The following TRUB1 variants were observed in gnomAD, a reference collection of about 807,000 sequenced individuals.
TRUB1 encodes the protein TruB pseudouridine synthase family member 1.
In TRUB1, 23 loss-of-function variants were observed where a neutral mutation model predicts 33.9. That is an observed-to-expected ratio of 0.68 (90% confidence interval 0.49 to 0.96). The LOEUF is 0.96. Among genes scored for constraint, TRUB1 ranks in the 40% least tolerant of loss-of-function variants. TRUB1 has a pLI of 0.00. For synonymous variants in TRUB1, 163 were observed against 165.4 expected (o/e 0.99, Z 0.11); for missense variants, 378 against 422.2 (o/e 0.90, Z 0.92).
Position 114,938,398 on chromosome 10 carries a change from A to C in TRUB1, c.145A>C (p.Arg49=). 6.2e-7 allele frequency: 1 copy of C among 1,606,098 alleles called. No individual in the cohort carries two copies. The highest frequency in any genetic ancestry group is 8.5e-7 in the Non-Finnish European group (1 of 1,176,088). The change falls in exon 1 of 8, where the codon AGG becomes CGG. Residue 49 remains arginine (R), a synonymous_variant. Coordinates refer to ENST00000298746, the MANE Select transcript of TRUB1 (RefSeq NM_139169.5). ...AAAAVVAAAA[R]TGSEARVSKA... is the part of the protein sequence containing the mutation. Reference sequence around the variant, plus strand: ...AGCCGCGGTGGTTGCGGCCGCGGCCAGGACCGGATCCGAAGCCAGGGTCTC... The same window carrying C: ...AGCCGCGGTGGTTGCGGCCGCGGCCCGGACCGGATCCGAAGCCAGGGTCTC...
chr10:114,948,709 G>A (rs2084221666), intron 2 of TRUB1, among the ~76,000 whole-genome samples: 1 of 152,178 alleles, frequency 6.6e-6, no homozygotes, highest in Non-Finnish European at 1.5e-5. Flanking sequence ...ATTAAGCTGG[G>A]TAACTCTAAG....
chr10:114,952,371 G>A (rs1383855306), intron 3 of TRUB1, among the ~76,000 whole-genome samples: 2 of 152,200 alleles, frequency 1.3e-5, no homozygotes, highest in African/African-American at 2.4e-5. Context: ...AACCCAGGAG[G>A]CGGAGGTTGC....
At chr10:114,949,896 G>GT (rs35333718) in intron 2 of TRUB1, among the ~76,000 whole-genome samples, 52,115 of 125,062 alleles carry the variant, frequency 0.42, 11,906 homozygotes, top group African/African-American at 0.48. Flanking sequence ...ATCTTTTAAA[G>GT]TTTTTTTTTT....
Position 114,938,199 on chromosome 10 carries a change from T to C in TRUB1, c.-55T>C. 6 of 1,593,838 alleles carry C rather than the reference T, an allele frequency of 3.8e-6. No individual in the cohort carries two copies. The highest frequency in any genetic ancestry group is 1.1e-5 in the South Asian group (1 of 88,052). On this transcript the variant is annotated 5_prime_UTR_variant, in exon 1 of 8. Coordinates refer to ENST00000298746, the MANE Select transcript of TRUB1 (RefSeq NM_139169.5). ...GAAGAGGGTCCTGTCAGGCGCACTC[T>C]TGTTGCATCATCAGCGTGCACCTCC...
chr10:114,967,059 G>A (rs1191970429), intron 4 of TRUB1, among the ~76,000 whole-genome samples: 1 of 152,222 alleles, frequency 6.6e-6, no homozygotes, highest in Non-Finnish European at 1.5e-5. Context: ...GACCCTGTAT[G>A]TATGTATGTA....
At chr10:114,964,976 C>G (rs1384570108) in intron 4 of TRUB1, among the ~76,000 whole-genome samples, 2 of 142,898 alleles carry the variant, frequency 1.4e-5, no homozygotes, top group Non-Finnish European at 3.0e-5. Context: ...TGTCGCCAGG[C>G]TGGAGTGCAG....
At chr10:114,939,857 G>C (rs964878210) in intron 1 of TRUB1, among the ~76,000 whole-genome samples, 1 of 138,736 alleles carries the variant, frequency 7.2e-6, no homozygotes, top group Non-Finnish European at 1.5e-5. Context: ...TTAAGGTAAT[G>C]ATTACCATTC....
chr10:114,947,787 T>TC (rs1307684471), intron 2 of TRUB1, among the ~76,000 whole-genome samples: 3 of 152,228 alleles, frequency 2.0e-5, no homozygotes, highest in African/African-American at 4.8e-5. Context: ...ACTGAGGTTA[T>TC]CACCAGAGTT....
At chr10:114,950,695 C>T (rs995448785) in intron 2 of TRUB1, among the ~76,000 whole-genome samples, 2 of 152,118 alleles carry the variant, frequency 1.3e-5, no homozygotes, top group African/African-American at 4.8e-5. Context: ...ATGGCTTTTG[C>T]TTTGTTTAAT....
chr10:114,946,851 C>T (rs2084213673), intron 2 of TRUB1, among the ~76,000 whole-genome samples: 6 of 151,950 alleles, frequency 3.9e-5, no homozygotes, highest in South Asian at 2.1e-4. Context: ...CTCAAAAATA[C>T]GTGGTAGGCA....
At chr10:114,963,967 G>T (rs551300993) in intron 4 of TRUB1, among the ~76,000 whole-genome samples, 1 of 54,844 alleles carries the variant, frequency 1.8e-5, no homozygotes, top group African/African-American at 1.3e-4. Context: ...AATATAGGTC[G>T]TGTGTGTGTG....
intron 2 of TRUB1, among the ~76,000 whole-genome samples, chr10:114,950,535 A>G (rs1489245330): frequency 6.6e-6 from 1 of 152,208 alleles, no homozygotes; most frequent in Non-Finnish European, 1.5e-5. Flanking sequence ...AAGGTAGGCC[A>G]TTGTTGTACT....
At chr10:114,961,487 T>G (rs1452004249) in intron 4 of TRUB1, among the ~76,000 whole-genome samples, 2 of 152,200 alleles carry the variant, frequency 1.3e-5, no homozygotes, top group South Asian at 4.1e-4. Flanking sequence ...ATATCCTTTC[T>G]TCCTATTCTT....
chr10:114,971,014 T>C (rs2084334410), intron 5 of TRUB1, among the ~76,000 whole-genome samples: 1 of 152,200 alleles, frequency 6.6e-6, no homozygotes, highest in Non-Finnish European at 1.5e-5. Context: ...CAGAAATTTA[T>C]TTCTCACCAT....
rs2084169802 is a variant in TRUB1 at position 114,938,418 on chromosome 10, G to A, written c.165G>A (p.Arg55=). ...AAAARTGSEA[R]VSKAALATKL... is the part of the protein sequence containing the mutation. ...CGGCCAGGACCGGATCCGAAGCCAG[G>A]GTCTCCAAGGCCGCTTTGGCTACCA... Residue 55 remains arginine (R), a synonymous_variant, in exon 1 of 8, where the codon AGG becomes AGA. Transcript: ENST00000298746. 3.1e-6 allele frequency: 5 copies of A among 1,599,304 alleles called. No individual in the cohort carries two copies. Among genetic ancestry groups the A allele is most frequent in the Non-Finnish European group, 4.3e-6 (5 of 1,172,842 alleles).
chr10:114,938,383 G>C lies in TRUB1; in HGVS notation c.130G>C (p.Val44Leu), dbSNP rs188026576. ...TPSARAAAAVVAAAARTGSEA... is the reference protein window; with the variant it reads ...TPSARAAAAVLAAAARTGSEA... The stretch of plus-strand genomic sequence containing the variant: ...GTCAGCAAGGGCTGCAGCCGCGGTG[G>C]TTGCGGCCGCGGCCAGGACCGGATC... Residue 44 changes from valine (V) to leucine (L), a missense_variant, in exon 1 of 8, where the codon GTT becomes CTT. Coordinates refer to ENST00000298746, the MANE Select transcript of TRUB1 (RefSeq NM_139169.5). 15 of 1,608,784 alleles carry C rather than the reference G, an allele frequency of 9.3e-6. No individual in the cohort carries two copies. The highest frequency in any genetic ancestry group is 1.3e-5 in the Non-Finnish European group (15 of 1,177,678).
chr10:114,971,134 A>G lies in TRUB1; in HGVS notation c.596+694A>G, dbSNP rs573036256. On this transcript the variant is annotated intron_variant, in intron 5 of 7. Coordinates refer to ENST00000298746, the MANE Select transcript of TRUB1 (RefSeq NM_139169.5). ...CCGTATCCTCCTAGTAGAAGGGGCA[A>G]GGCAGCTCTCTGGAGCCTCCTTTAT... 1.1e-3 allele frequency among the ~76,000 whole-genome samples: 163 copies of G among 152,314 alleles called. 1 individual carries two copies. Among genetic ancestry groups the G allele is most frequent in the African/African-American group, 3.8e-3 (156 of 41,576 alleles).
chr10:114,958,393 T>C (rs1373859563), intron 3 of TRUB1, among the ~76,000 whole-genome samples: 1 of 152,240 alleles, frequency 6.6e-6, no homozygotes, highest in Non-Finnish European at 1.5e-5. Flanking sequence ...TTAAAAAATC[T>C]GAGCTAGATA....
intron 6 of TRUB1, among the ~76,000 whole-genome samples, chr10:114,973,707 A>G (rs1188696587): frequency 6.6e-6 from 1 of 152,178 alleles, no homozygotes; most frequent in Non-Finnish European, 1.5e-5. Flanking sequence ...TTAGATTTAC[A>G]TTCAGTTCTG....
Sources: allele counts gnomAD v4.1 joint callset (sites outside exome capture counted in the v4.1 genomes callset), GRCh38; gene constraint gnomAD v4.1.1; transcripts MANE v1.5; gene names NCBI Gene and HGNC (gene_info 2026-07-23, HGNC 2026-07-21).